The following PTPRD variants were observed in gnomAD, a reference collection of about 807,000 sequenced individuals.
PTPRD encodes receptor-type tyrosine-protein phosphatase delta.
Under a neutral mutation model 214.5 loss-of-function variants are expected in PTPRD, and 34 were observed. That is an observed-to-expected ratio of 0.16 (90% confidence interval 0.12 to 0.21). The LOEUF (loss-of-function observed/expected upper bound fraction) is 0.21. PTPRD is among the 10% of genes least tolerant of loss of function. The pLI, the probability that PTPRD is intolerant of heterozygous loss-of-function variation, is 1.00. For missense variants in PTPRD, 2,545 were observed against 2,398.7 expected, an observed-to-expected ratio of 1.06 and a Z score of -1.27; for synonymous variants, 1,128 against 845.7, an observed-to-expected ratio of 1.33 and a Z score of -5.79.
chr9:9,106,194 T>C (rs1311084530), intron 10 of PTPRD, among the ~76,000 whole-genome samples: 1 of 152,070 alleles, frequency 6.6e-6, no homozygotes, highest in East Asian at 1.9e-4. Flanking sequence ...TTTCATTTAA[T>C]CTATGTTGAA....
intron 11 of PTPRD, among the ~76,000 whole-genome samples, chr9:8,935,045 C>T (rs939289711): frequency 1.3e-5 from 2 of 152,036 alleles, no homozygotes; most frequent in Admixed American, 1.3e-4. Context: ...ATATGTATCA[C>T]ATTTTCTTTA....
intron 8 of PTPRD, among the ~76,000 whole-genome samples, chr9:9,427,505 G>C (rs2081403417): frequency 6.6e-6 from 1 of 150,966 alleles, no homozygotes; most frequent in Non-Finnish European, 1.5e-5. Context: ...TATTATCCAG[G>C]AGAACTTACC....
chr9:9,294,619 G>C (rs1014657184), intron 9 of PTPRD, among the ~76,000 whole-genome samples: 2 of 151,642 alleles, frequency 1.3e-5, no homozygotes, highest in African/African-American at 4.8e-5. Context: ...TGTGCACAAA[G>C]AAGAGGTCAA....
chr9:8,927,133 T>G (rs2098904445), intron 11 of PTPRD, among the ~76,000 whole-genome samples: 1 of 152,190 alleles, frequency 6.6e-6, no homozygotes, highest in South Asian at 2.1e-4. Flanking sequence ...AAGGCAAAAT[T>G]CTAATTTAAC....
At chr9:10,472,021 T>G (rs1430800445) in intron 2 of PTPRD, among the ~76,000 whole-genome samples, 1 of 152,134 alleles carries the variant, frequency 6.6e-6, no homozygotes, top group African/African-American at 2.4e-5. Flanking sequence ...ATTCAAAATT[T>G]TATTTAGCTT....
intron 12 of PTPRD, among the ~76,000 whole-genome samples, chr9:8,702,260 A>G (rs562227904): frequency 1.3e-5 from 1 of 78,388 alleles, no homozygotes; most frequent in Non-Finnish European, 2.5e-5. Flanking sequence ...TGTGTAAAGT[A>G]AAAAAAAAAA....
chr9:10,401,599 T>A (rs1290153914), intron 2 of PTPRD, among the ~76,000 whole-genome samples: 2 of 148,390 alleles, frequency 1.3e-5, no homozygotes, highest in African/African-American at 4.9e-5. Flanking sequence ...ACATACAGTA[T>A]GTCTGTGATA....
At chr9:9,008,364 A>T (rs936883898) in intron 11 of PTPRD, among the ~76,000 whole-genome samples, 69 of 151,758 alleles carry the variant, frequency 4.5e-4, no homozygotes, top group Non-Finnish European at 1.6e-4. Context: ...AGTAGCTGGG[A>T]CTACAGGCTC....
chr9:9,215,112 AC>A (rs1200665089), intron 9 of PTPRD, among the ~76,000 whole-genome samples: 2 of 152,166 alleles, frequency 1.3e-5, no homozygotes. Flanking sequence ...TTGTGTGTTA[AC>A]AAGTTCAAAC....
chr9:9,129,553 C>A (rs553815971), intron 10 of PTPRD, among the ~76,000 whole-genome samples: 2 of 152,118 alleles, frequency 1.3e-5, no homozygotes, highest in Non-Finnish European at 2.9e-5. Context: ...ACAGCTGATA[C>A]ATCGTTCAAT....
intron 4 of PTPRD, among the ~76,000 whole-genome samples, chr9:9,950,568 C>A (rs1359848571): frequency 1.4e-5 from 1 of 70,764 alleles, no homozygotes; most frequent in Non-Finnish European, 2.2e-5. Flanking sequence ...ACTAAAAATA[C>A]AAAAAATTAG....
intron 3 of PTPRD, among the ~76,000 whole-genome samples, chr9:10,140,866 C>T (rs1436522125): frequency 6.6e-6 from 1 of 151,642 alleles, no homozygotes. Flanking sequence ...TACTGGCAAA[C>T]CGAATCCAGC....
chr9:9,162,559 C>T (rs1378704090), intron 10 of PTPRD, among the ~76,000 whole-genome samples: 2 of 152,042 alleles, frequency 1.3e-5, no homozygotes, highest in Non-Finnish European at 1.5e-5. Flanking sequence ...AATCCTTCCC[C>T]GCTGGATTCC....
At chr9:8,863,640 AT>A (rs1328759880) in intron 11 of PTPRD, among the ~76,000 whole-genome samples, 1 of 152,168 alleles carries the variant, frequency 6.6e-6, no homozygotes, top group African/African-American at 2.4e-5. Flanking sequence ...TAGTATAAAC[AT>A]TTTGAGGCCA....
At chr9:8,804,427 G>A (rs1007483125) in intron 11 of PTPRD, among the ~76,000 whole-genome samples, 9 of 149,446 alleles carry the variant, frequency 6.0e-5, no homozygotes, top group East Asian at 2.2e-4. Context: ...AGAAGACTCC[G>A]TCTCTACAAA....
intron 2 of PTPRD, among the ~76,000 whole-genome samples, chr9:10,355,531 T>C (rs971661877): frequency 6.7e-6 from 1 of 150,294 alleles, no homozygotes; most frequent in Non-Finnish European, 1.5e-5. Context: ...TAGACTGGAG[T>C]GCAACGGCAC....
At chr9:9,551,807 A>C (rs192249684) in intron 8 of PTPRD, among the ~76,000 whole-genome samples, 1 of 152,128 alleles carries the variant, frequency 6.6e-6, no homozygotes, top group Admixed American at 6.6e-5. Context: ...AAACCAACTT[A>C]TGTATCTGCT....
At chr9:9,931,282 G>A (rs1288716793) in intron 5 of PTPRD, among the ~76,000 whole-genome samples, 3 of 152,336 alleles carry the variant, frequency 2.0e-5, no homozygotes, top group Admixed American at 1.3e-4. Flanking sequence ...CGACGCAGAA[G>A]ACAGGTGATT....
chr9:10,537,105 A>T (rs374667568), intron 2 of PTPRD, among the ~76,000 whole-genome samples: 195 of 152,280 alleles, frequency 1.3e-3, no homozygotes, highest in African/African-American at 4.5e-3. Context: ...ATAATTCTAA[A>T]AACTATAGGA....
Sources: gnomAD v4.1 joint callset for allele counts (sites outside exome capture counted in the v4.1 genomes callset) on GRCh38, gnomAD v4.1.1 for gene constraint, MANE v1.5 for transcripts, NCBI Gene and HGNC (gene_info 2026-07-23, HGNC 2026-07-21) for gene names.